SYNE1: variants seen among roughly 807,000 people sequenced by gnomAD.
SYNE1 encodes the protein nesprin-1.
Under a neutral mutation model 1,111.0 loss-of-function variants are expected in SYNE1, and 616 were observed. The observed-to-expected ratio is 0.55, with a 90% confidence interval of 0.52 to 0.59. The LOEUF is 0.59. Ranked by LOEUF, SYNE1 falls within the 20% of genes least tolerant of loss-of-function variation. The pLI is 0.00. For missense variants in SYNE1, 10,006 were observed against 10,417.0 expected, an observed-to-expected ratio of 0.96 and a Z score of 1.72; for synonymous variants, 3,855 against 3,825.8, an observed-to-expected ratio of 1.01 and a Z score of -0.28.
chr6:152,133,736 T>C (rs560502916), intron 142 of SYNE1: 21 of 555,494 alleles, frequency 3.8e-5, no homozygotes, highest in African/African-American at 5.6e-5. Flanking sequence ...CACAGTATTA[T>C]TGGAAGGTTC....
chr6:152,378,487 G>A (rs1008040413), intron 56 of SYNE1, among the ~76,000 whole-genome samples: 4 of 152,130 alleles, frequency 2.6e-5, no homozygotes, highest in African/African-American at 9.7e-5. Flanking sequence ...CTTATTCTGT[G>A]TCTTAGCTCC....
Position 152,323,655 on chromosome 6 carries a change from A to C in SYNE1, c.15740T>G (p.Leu5247Arg). Residue 5247 changes from leucine (L) to arginine (R), a missense_variant, in exon 82 of 146, where the codon CTC becomes CGC. Transcript: ENST00000367255. ...GTCGTGGTATTCAAGAAGAGTTAAG[A>C]GCTCTGCTTTCGATGCTTTCTCTGC... ...SSAEKASKAE[L>R]LTLLEYHDTF... The C allele has an allele frequency of 6.2e-7, 1 of 1,614,222 alleles. No homozygotes were observed. The highest frequency in any genetic ancestry group is 8.5e-7 in the Non-Finnish European group (1 of 1,180,042).
chr6:152,313,800 G>A (rs1003974871), intron 87 of SYNE1, among the ~76,000 whole-genome samples: 16 of 152,092 alleles, frequency 1.1e-4, no homozygotes, highest in Non-Finnish European at 1.9e-4. Flanking sequence ...AAGGGGGCAC[G>A]TGAGAACTCA....
intron 60 of SYNE1, 137 bp downstream of exon 60, chr6:152,369,334 A>G (rs1219127176): frequency 1.4e-6 from 2 of 1,437,162 alleles, no homozygotes; most frequent in Non-Finnish European, 1.9e-6. Flanking sequence ...CATAAAATCC[A>G]CCAGAAATGG....
At chr6:152,279,716 C>CAAAA (rs71017531) in intron 97 of SYNE1, among the ~76,000 whole-genome samples, 1 of 63,026 alleles carries the variant, frequency 1.6e-5, no homozygotes, top group East Asian at 4.4e-4. Flanking sequence ...GACCTTGTCT[C>CAAAA]AAAAAAAAAA....
At chr6:152,248,307 T>A (rs2088031841) in intron 105 of SYNE1, among the ~76,000 whole-genome samples, 1 of 152,234 alleles carries the variant, frequency 6.6e-6, no homozygotes, top group Non-Finnish European at 1.5e-5. Flanking sequence ...CTTTCATTTA[T>A]ATTCAACCAC....
In SYNE1 at chr6:152,272,803, A is replaced by G. The variant is rs531550357; in HGVS notation, c.18574-3517T>C. 2.6e-5 allele frequency among the ~76,000 whole-genome samples: 4 copies of G among 152,356 alleles called. No homozygotes were observed. The East Asian group carries it at 7.7e-4, about 29-fold the overall frequency. The stretch of plus-strand genomic sequence containing the variant: ...ACCCTCCTGAATCATCCAAGCCCCA[A>G]TTAAAGAGCATTAACATTGCTGAGG... On this transcript the variant is annotated intron_variant, in intron 98 of 145. Coordinates refer to ENST00000367255, the MANE Select transcript of SYNE1 (RefSeq NM_182961.4).
intron 49 of SYNE1, among the ~76,000 whole-genome samples, chr6:152,397,400 G>T (rs1245905794): frequency 6.6e-6 from 1 of 152,026 alleles, no homozygotes; most frequent in East Asian, 1.9e-4. Flanking sequence ...TCTCTTTCTT[G>T]GAAAATCTAT....
At chr6:152,326,687 G>A (rs912325442) in intron 78 of SYNE1, 54 bp from the exon 79 acceptor site, 9 of 1,537,512 alleles carry the variant, frequency 5.9e-6, no homozygotes, top group African/African-American at 5.4e-5. Context: ...TGTGTTTGCA[G>A]GAAAGAGTTT....
At chr6:152,435,514 G>A (rs972572227) in intron 33 of SYNE1, 12 of 165,356 alleles carry the variant, frequency 7.3e-5, no homozygotes, top group Non-Finnish European at 1.3e-4. Context: ...GCTTCTTCAG[G>A]TTGGAGATAT....
At chr6:152,239,873 A>G (rs1480859659) in intron 107 of SYNE1, among the ~76,000 whole-genome samples, 167 bp from the exon 108 acceptor site, 1 of 152,150 alleles carries the variant, frequency 6.6e-6, no homozygotes, top group African/African-American at 2.4e-5. Context: ...AGCCTGGCCA[A>G]TGTGGTGGAA....
chr6:152,206,879 G>A (rs2076612202), intron 125 of SYNE1, among the ~76,000 whole-genome samples: 1 of 152,176 alleles, frequency 6.6e-6, no homozygotes, highest in Non-Finnish European at 1.5e-5. Flanking sequence ...TGGCATGTGA[G>A]AGAGTGGTAG....
chr6:152,579,953 T>C (rs1317270738), intron 3 of SYNE1, among the ~76,000 whole-genome samples: 2 of 152,224 alleles, frequency 1.3e-5, no homozygotes, highest in Non-Finnish European at 1.5e-5. Flanking sequence ...TTTGCGATTG[T>C]GAAGAGTGCT....
chr6:152,221,023 A>G lies in SYNE1; in HGVS notation c.21680T>C (p.Ile7227Thr). The G allele has an allele frequency of 6.2e-7, 1 of 1,614,128 alleles. No homozygotes were observed. The highest frequency in any genetic ancestry group is 8.5e-7 in the Non-Finnish European group (1 of 1,179,996). Residue 7227 changes from isoleucine (I) to threonine (T), a missense_variant, in exon 119 of 146, where the codon ATT becomes ACT. Around this residue, in one of 7 missense-constraint regions of SYNE1, gnomAD observed 2,182 missense variants for 2,287.8 expected, o/e 0.95. Coordinates refer to ENST00000367255, the MANE Select transcript of SYNE1 (RefSeq NM_182961.4). ...CTTGCTGGACTGTAGCTGCTCAGCA[A>G]TCTCTTCCAGCAAGTTATTCCATCT... ...NMRWNNLLEE[I>T]AEQLQSSKAL...
chr6:152,288,603 G>A (rs1211234828), intron 95 of SYNE1, among the ~76,000 whole-genome samples: 1 of 152,144 alleles, frequency 6.6e-6, no homozygotes, highest in African/African-American at 2.4e-5. Flanking sequence ...CTGGAGTGCA[G>A]TGGCACGATC....
intron 14 of SYNE1, among the ~76,000 whole-genome samples, chr6:152,475,470 ATC>A (rs2098829637): frequency 6.6e-6 from 1 of 152,258 alleles, no homozygotes; most frequent in African/African-American, 2.4e-5. Context: ...AGAATATCAT[ATC>A]TCATGTCATT....
chr6:152,609,663 T>C (rs2099625748), intron 3 of SYNE1, among the ~76,000 whole-genome samples: 2 of 152,100 alleles, frequency 1.3e-5, no homozygotes, highest in Non-Finnish European at 1.5e-5. Flanking sequence ...GGACAGACTG[T>C]CTCCTCAAGT....
At position 152,563,281 on chromosome 6, in the gene SYNE1, A is replaced by G. The variant is rs545793293; in HGVS notation, c.68-23260T>C. Among the ~76,000 whole-genome samples the G allele has an allele frequency of 7.9e-5, 12 of 152,230 alleles. No homozygotes were observed. The South Asian group carries it at 2.5e-3, about 32-fold the overall frequency. ...ACTCTCCTAGCAGCATTCTCCTGAT[A>G]TTATCACTATAGCAACATCTCTATA... is the stretch of plus-strand genomic sequence containing the variant. On this transcript the variant is annotated intron_variant, in intron 3 of 145. Coordinates refer to ENST00000367255, the MANE Select transcript of SYNE1 (RefSeq NM_182961.4).
chr6:152,467,901 C>G (rs1252977514), intron 16 of SYNE1, among the ~76,000 whole-genome samples: 4 of 152,096 alleles, frequency 2.6e-5, no homozygotes, highest in Admixed American at 1.3e-4. Context: ...TATTGAATCA[C>G]TTTGGCAGAA....
Sources: gnomAD v4.1 joint callset for allele counts (sites outside exome capture counted in the v4.1 genomes callset) on GRCh38, gnomAD v4.1.1 for gene constraint, gnomAD v4.1.1 regional missense constraint, MANE v1.5 for transcripts, NCBI Gene and HGNC (gene_info 2026-07-23, HGNC 2026-07-21) for gene names.